SLC25A13: variants seen among roughly 807,000 people sequenced by gnomAD.
SLC25A13 encodes the protein solute carrier family 25 member 13.
SLC25A13 carries 70 observed loss-of-function variants against 85.5 expected under a neutral mutation model. The ratio of observed to expected loss-of-function variants is 0.82; its 90% CI spans 0.68 to 1.00. The LOEUF (loss-of-function observed/expected upper bound fraction) is 1.00, where lower values mean the gene tolerates loss of function less well. SLC25A13 is among the 50% of genes least tolerant of loss of function. SLC25A13 has a pLI of 0.00. For missense variants in SLC25A13, 765 were observed against 819.8 expected (o/e 0.93, Z 0.82); for synonymous variants, 259 against 288.7 (o/e 0.90, Z 1.04).
At chr7:96,267,167 T>TA (rs950265332) in intron 3 of SLC25A13, among the ~76,000 whole-genome samples, 4 of 152,202 alleles carry the variant, frequency 2.6e-5, no homozygotes, top group Non-Finnish European at 5.9e-5. Context: ...TATATTACCC[T>TA]AATATTCTTT....
intron 3 of SLC25A13, among the ~76,000 whole-genome samples, chr7:96,247,282 C>T (rs1259682066): frequency 6.6e-6 from 1 of 151,852 alleles, no homozygotes; most frequent in Non-Finnish European, 1.5e-5. Context: ...GTCATTTTAC[C>T]CATGTAAACA....
chr7:96,250,956 C>T (rs187084276), intron 3 of SLC25A13, among the ~76,000 whole-genome samples: 59 of 152,092 alleles, frequency 3.9e-4, no homozygotes, highest in African/African-American at 1.1e-3. Context: ...GTGCCAGCCA[C>T]GTTCTAGGAT....
intron 1 of SLC25A13, among the ~76,000 whole-genome samples, chr7:96,313,820 G>A (rs1401214921): frequency 1.3e-5 from 2 of 152,104 alleles, no homozygotes; most frequent in East Asian, 1.9e-4. Context: ...AAGACCCTTT[G>A]TTAGATTCAG....
chr7:96,160,027 C>T (rs549766660), intron 13 of SLC25A13, among the ~76,000 whole-genome samples: 49 of 152,328 alleles, frequency 3.2e-4, no homozygotes, highest in Middle Eastern at 3.4e-3. Flanking sequence ...AATATGTTAA[C>T]ATTTGGGGTC....
At chr7:96,269,050 T>C (rs1798134860) in intron 3 of SLC25A13, among the ~76,000 whole-genome samples, 1 of 152,178 alleles carries the variant, frequency 6.6e-6, no homozygotes, top group South Asian at 2.1e-4. Flanking sequence ...TATTTCAGGC[T>C]CCCTGATGAA....
chr7:96,317,949 G>A (rs192378552), intron 1 of SLC25A13, among the ~76,000 whole-genome samples: 56 of 151,694 alleles, frequency 3.7e-4, no homozygotes, highest in African/African-American at 1.1e-3. Context: ...CCACAGATGC[G>A]TGCCACCATG....
At chr7:96,246,629 T>C (rs1326006380) in intron 3 of SLC25A13, among the ~76,000 whole-genome samples, 3 of 152,192 alleles carry the variant, frequency 2.0e-5, no homozygotes, top group Non-Finnish European at 4.4e-5. Flanking sequence ...TGAGAAACAT[T>C]ATCAATTACT....
intron 4 of SLC25A13, among the ~76,000 whole-genome samples, chr7:96,215,504 A>G (rs1161712359): frequency 6.6e-6 from 1 of 152,122 alleles, no homozygotes; most frequent in Non-Finnish European, 1.5e-5. Flanking sequence ...AAAAAAATTA[A>G]CCCTCACATT....
intron 5 of SLC25A13, among the ~76,000 whole-genome samples, chr7:96,199,078 G>T (rs936510571): frequency 3.9e-5 from 6 of 152,200 alleles, no homozygotes; most frequent in Non-Finnish European, 7.3e-5. Flanking sequence ...GGACTGTTGT[G>T]TTTTCCCTGC....
chr7:96,312,802 G>C (rs1281576872), intron 1 of SLC25A13, among the ~76,000 whole-genome samples: 1 of 152,118 alleles, frequency 6.6e-6, no homozygotes, highest in African/African-American at 2.4e-5. Context: ...CAAAAGCAAG[G>C]GGATCAGTGG....
intron 5 of SLC25A13, among the ~76,000 whole-genome samples, chr7:96,196,411 A>C (rs1419024721): frequency 6.6e-6 from 1 of 152,198 alleles, no homozygotes; most frequent in Non-Finnish European, 1.5e-5. Flanking sequence ...TTTCTCTGGC[A>C]ACCCCATCTC....
chr7:96,300,481 A>G (rs1335312897), intron 1 of SLC25A13, among the ~76,000 whole-genome samples: 2 of 152,200 alleles, frequency 1.3e-5, no homozygotes, highest in African/African-American at 4.8e-5. Context: ...ATCTATTACT[A>G]TTTGTATTAT....
intron 9 of SLC25A13, among the ~76,000 whole-genome samples, chr7:96,188,137 C>A (rs1008350306): frequency 1.3e-5 from 2 of 152,180 alleles, no homozygotes; most frequent in African/African-American, 2.4e-5. Context: ...GGCATACAGA[C>A]GAAGAGATAA....
chr7:96,173,224 T>C (rs1794081374), intron 11 of SLC25A13, among the ~76,000 whole-genome samples: 1 of 152,236 alleles, frequency 6.6e-6, no homozygotes, highest in African/African-American at 2.4e-5. Context: ...AGGATAAGGA[T>C]GGTGATGTTA....
intron 14 of SLC25A13, among the ~76,000 whole-genome samples, chr7:96,142,110 AG>A (rs778581900): frequency 1.3e-5 from 2 of 152,230 alleles, no homozygotes; most frequent in Non-Finnish European, 2.9e-5. Context: ...ACTTAAGAAA[AG>A]TAAAATATTC....
At chr7:96,310,138 G>C (rs1799898434) in intron 1 of SLC25A13, among the ~76,000 whole-genome samples, 1 of 152,172 alleles carries the variant, frequency 6.6e-6, no homozygotes, top group South Asian at 2.1e-4. Flanking sequence ...CTAGTACTTT[G>C]TTATGGCAGC....
intron 2 of SLC25A13, among the ~76,000 whole-genome samples, chr7:96,292,014 G>A (rs140353461): frequency 0.021 from 3,173 of 152,208 alleles, 68 homozygotes; most frequent in African/African-American, 0.055. Flanking sequence ...GATGAACATC[G>A]ATGCAAAAAT....
chr7:96,221,053 C>T (rs529572895), intron 4 of SLC25A13, among the ~76,000 whole-genome samples: 50 of 152,270 alleles, frequency 3.3e-4, no homozygotes, highest in African/African-American at 1.1e-3. Context: ...CATTTGAGCA[C>T]GGGCGATTCT....
chr7:96,268,242 T>C (rs1584538047), intron 3 of SLC25A13, among the ~76,000 whole-genome samples: 1 of 152,148 alleles, frequency 6.6e-6, no homozygotes, highest in Non-Finnish European at 1.5e-5. Context: ...CAACAACAAA[T>C]AGAACGTGTG....
Sources: allele counts gnomAD v4.1 joint callset (sites outside exome capture counted in the v4.1 genomes callset), GRCh38; gene constraint gnomAD v4.1.1; transcripts MANE v1.5; gene names NCBI Gene and HGNC (gene_info 2026-07-23, HGNC 2026-07-21).